RRM2: variants seen among roughly 807,000 people sequenced by gnomAD.
The protein encoded by RRM2 is ribonucleotide reductase regulatory subunit M2, also known as ribonucleoside-diphosphate reductase subunit M2.
In RRM2, 6 loss-of-function variants were observed where a neutral mutation model predicts 45.9. That is an observed-to-expected ratio of 0.13 (90% CI 0.07 to 0.26). The LOEUF (loss-of-function observed/expected upper bound fraction) is 0.26. Among genes scored for constraint, RRM2 ranks in the 10% least tolerant of loss-of-function variants. The pLI is 1.00. For missense variants in RRM2, 343 were observed against 489.5 expected, an observed-to-expected ratio of 0.70 and a Z score of 2.82; for synonymous variants, 177 against 173.0, an observed-to-expected ratio of 1.02 and a Z score of -0.18.
At chr2:10,123,096 C>T (rs1662699716) in intron 2 of RRM2, 39 bp downstream of exon 2, 1 of 1,515,338 alleles carries the variant, frequency 6.6e-7, no homozygotes, top group African/African-American at 1.4e-5. Context: ...CAGGGACGGC[C>T]TTGGGCGTCT....
At chr2:10,206,426 GAA>G (rs1158497353) in intron 3 of RRM2, among the ~76,000 whole-genome samples, 1 of 152,136 alleles carries the variant, frequency 6.6e-6, no homozygotes, top group East Asian at 1.9e-4. Context: ...TCTATTATGT[GAA>G]AGAGTACCCA....
chr2:10,209,089 T>G (rs1664714370), intron 3 of RRM2, among the ~76,000 whole-genome samples: 1 of 150,720 alleles, frequency 6.6e-6, no homozygotes, highest in African/African-American at 2.4e-5. Flanking sequence ...GAAGTCTTAT[T>G]CCATCGACCA....
chr2:10,129,417 A>ATT lies in RRM2; in HGVS notation c.*40_*41dup. 3 of 1,495,048 alleles carry ATT rather than the reference A, an allele frequency of 2.0e-6. No individual in the cohort carries two copies. Among genetic ancestry groups the ATT allele is most frequent in the Non-Finnish European group, 2.7e-6 (3 of 1,109,150 alleles). 92.6% of individuals were successfully genotyped at this position (1,495,048 alleles called of 1,614,324 possible). A position where few individuals can be genotyped will look rare whatever the true frequency, so the allele number is the denominator to read the frequency against. On this transcript the variant is annotated 3_prime_UTR_variant, in exon 10 of 10. Transcript: ENST00000304567. The surrounding 1 kb of genome is among the most constrained non-coding windows in gnomAD (Gnocchi z 4.8). ...CTGAAGATGTGCCCTTACTTGGCTGATTTTTTTTTTCCATCTCATAAGAAA... is the reference window on the plus strand; with the variant it reads ...CTGAAGATGTGCCCTTACTTGGCTGATTTTTTTTTTTTCCATCTCATAAGAAA...
At position 10,123,074 on chromosome 2, in the gene RRM2, G is replaced by A. The variant is rs1308822405; in HGVS notation, c.174+17G>A. The A allele has an allele frequency of 2.6e-6, 4 of 1,540,916 alleles. No individual in the cohort carries two copies. In the South Asian group the frequency reaches 3.5e-5, roughly 14 times the overall value. On this transcript the variant is annotated intron_variant, in intron 2 of 9. Coordinates refer to ENST00000304567, the MANE Select transcript of RRM2 (RefSeq NM_001034.4). ...ACGGAGCCGGTGAGTGGCGGGCGTGGGGCAGAGGGGCCAGGGACGGCCTTG... is the reference window on the plus strand; with the variant it reads ...ACGGAGCCGGTGAGTGGCGGGCGTGAGGCAGAGGGGCCAGGGACGGCCTTG...
rs957076325 is a variant in RRM2 at position 10,204,424 on chromosome 2, G to T, written n.483-5887G>T. On this transcript the variant is annotated intron_variant and non_coding_transcript_variant, in intron 3 of 3. Transcript: ENST00000381786. The surrounding 1 kb of genome is among the most constrained non-coding windows in gnomAD (Gnocchi z 4.0). Reference sequence around the variant, plus strand: ...GAAAATGGGGAGGAGAGGGAGGAACGGTTGGTGGGCAGCTGCCACTCTGTC... The same window carrying T: ...GAAAATGGGGAGGAGAGGGAGGAACTGTTGGTGGGCAGCTGCCACTCTGTC... Among the ~76,000 whole-genome samples the T allele has an allele frequency of 1.2e-4, 18 of 152,290 alleles. No homozygotes were observed. Among genetic ancestry groups the T allele is most frequent in the African/African-American group, 3.6e-4 (15 of 41,556 alleles).
At chr2:10,153,009 T>C (rs939594999) in intron 3 of RRM2, among the ~76,000 whole-genome samples, 2 of 152,122 alleles carry the variant, frequency 1.3e-5, no homozygotes, top group Non-Finnish European at 2.9e-5. Context: ...TTAGCCACGA[T>C]ATGGAAACAA....
At chr2:10,198,152 C>T (rs887197913) in intron 3 of RRM2, among the ~76,000 whole-genome samples, 1 of 152,224 alleles carries the variant, frequency 6.6e-6, no homozygotes, top group African/African-American at 2.4e-5. Context: ...CGGGGCTATG[C>T]ACAGGCTTCA....
chr2:10,134,506 A>G (rs1233743146), downstream of RRM2, among the ~76,000 whole-genome samples: 10 of 152,322 alleles, frequency 6.6e-5, no homozygotes, highest in South Asian at 1.0e-3. Context: ...CCTTCACATA[A>G]ATTTGTGGTC....
chr2:10,170,083 A>G (rs1433505225), intron 3 of RRM2, among the ~76,000 whole-genome samples: 1 of 152,096 alleles, frequency 6.6e-6, no homozygotes, highest in African/African-American at 2.4e-5. Context: ...TTCCAGAGAG[A>G]AGGAGGTGCC....
In RRM2 at chr2:10,195,584, G is replaced by A. The variant is rs1034679808; in HGVS notation, n.483-14727G>A. 3.3e-5 allele frequency among the ~76,000 whole-genome samples: 5 copies of A among 152,286 alleles called. No individual in the cohort carries two copies. Among genetic ancestry groups the A allele is most frequent in the Admixed American group, 6.5e-5 (1 of 15,298 alleles). On this transcript the variant is annotated intron_variant and non_coding_transcript_variant, in intron 3 of 3. Transcript: ENST00000381786. The surrounding 1 kb of genome is among the most constrained non-coding windows in gnomAD (Gnocchi z 4.9). ...AGGAGCATCCCAGGCAAAGTGAGCC[G>A]CGTTTACCTGGAGACCAAGGGTGGG... is the stretch of plus-strand genomic sequence containing the variant.
In RRM2 at chr2:10,123,390, A is replaced by G. The variant is rs1365971876; in HGVS notation, c.178A>G (p.Thr60Ala). Residue 60 changes from threonine to alanine, a missense_variant, in exon 3 of 10, where the codon ACT becomes GCT. Around this residue, in one of 2 missense-constraint regions of RRM2, gnomAD observed 131 missense variants for 121.4 expected, o/e 1.08. Coordinates refer to ENST00000304567, the MANE Select transcript of RRM2 (RefSeq NM_001034.4). ...RIFQEPTEPKTKAAAPGVEDE... is the reference protein window; with the variant it reads ...RIFQEPTEPKAKAAAPGVEDE... ...GTTTTATTTTCTCCCCCAACAGAAAACTAAAGCAGCTGCCCCCGGCGTGGA... is the reference window on the plus strand; with the variant it reads ...GTTTTATTTTCTCCCCCAACAGAAAGCTAAAGCAGCTGCCCCCGGCGTGGA... 1 of 1,601,932 alleles carries G rather than the reference A, an allele frequency of 6.2e-7. No homozygotes were observed. The highest frequency in any genetic ancestry group is 8.5e-7 in the Non-Finnish European group (1 of 1,176,860).
At chr2:10,177,160 C>T (rs1005701473) in intron 3 of RRM2, among the ~76,000 whole-genome samples, 2 of 152,036 alleles carry the variant, frequency 1.3e-5, no homozygotes, top group Admixed American at 6.6e-5. Flanking sequence ...GTAGGAGAAT[C>T]GCTTGAACCC....
intron 3 of RRM2, chr2:10,142,437 G>T (rs1378624675): frequency 1.5e-6 from 2 of 1,359,754 alleles, no homozygotes; most frequent in African/African-American, 3.0e-5. Flanking sequence ...GTGGCTTGCG[G>T]GGCCTGTCAT....
intron 3 of RRM2, among the ~76,000 whole-genome samples, chr2:10,162,251 G>A (rs1051165734): frequency 2.2e-4 from 33 of 152,192 alleles, no homozygotes; most frequent in Non-Finnish European, 4.1e-4. Context: ...TTGATGAATA[G>A]AGAGGTGTGG....
chr2:10,208,422 TA>T (rs1664700251), intron 3 of RRM2, among the ~76,000 whole-genome samples: 1 of 152,190 alleles, frequency 6.6e-6, no homozygotes, highest in African/African-American at 2.4e-5. Context: ...TTCTGAGTCA[TA>T]AAATCATTAA....
chr2:10,133,493 G>A (rs1178651921), downstream of RRM2, among the ~76,000 whole-genome samples: 1 of 152,178 alleles, frequency 6.6e-6, no homozygotes, highest in Non-Finnish European at 1.5e-5. Flanking sequence ...TGTCGGTCTG[G>A]AGATCCTGAT....
downstream of RRM2, among the ~76,000 whole-genome samples, chr2:10,133,718 T>C (rs1293593094): frequency 3.3e-5 from 5 of 151,672 alleles, no homozygotes; most frequent in Non-Finnish European, 7.4e-5. Context: ...TTTTTTTTTT[T>C]TTTTTAATGA....
In RRM2 at chr2:10,172,213, T is replaced by G. The variant is rs1663819722; in HGVS notation, n.482+29838T>G. Among the ~76,000 whole-genome samples, 1 of 152,108 alleles carries G rather than the reference T, an allele frequency of 6.6e-6. No individual in the cohort carries two copies. Among genetic ancestry groups the G allele is most frequent in the African/African-American group, 2.4e-5 (1 of 41,408 alleles). ...TGCAAGGGGTGAGATTTCTCTGCTC[T>G]AAGTCATGGGTGCTGAGGCCCACCT... is the stretch of plus-strand genomic sequence containing the variant. On this transcript the variant is annotated intron_variant and non_coding_transcript_variant, in intron 3 of 3. Coordinates refer to the RRM2 transcript ENST00000381786. This position sits in a 1 kb window ranked among gnomAD's most constrained non-coding sequence, Gnocchi z 4.9.
chr2:10,194,792 C>T (rs563421806), intron 3 of RRM2, among the ~76,000 whole-genome samples: 1 of 152,244 alleles, frequency 6.6e-6, no homozygotes, highest in Non-Finnish European at 1.5e-5. Context: ...CTGTCCTTCC[C>T]TCCCCTGCGT....
Sources: gnomAD v4.1 joint callset for allele counts (sites outside exome capture counted in the v4.1 genomes callset) on GRCh38, gnomAD v4.1.1 for gene constraint, gnomAD v4.1.1 regional missense constraint, Gnocchi (gnomAD v3.1) non-coding constraint, MANE v1.5 for transcripts, NCBI Gene and HGNC (gene_info 2026-07-23, HGNC 2026-07-21) for gene names.